Variants in CPM observed in about 807,000 individuals in gnomAD.
CPM encodes the protein renal carboxypeptidase.
A neutral mutation model predicts 46.4 loss-of-function variants in CPM; 35 were observed. The observed-to-expected ratio is 0.75, with a 90% confidence interval of 0.58 to 1.00. The LOEUF (loss-of-function observed/expected upper bound fraction) is 1.00, where lower values mean the gene tolerates loss of function less well. Among genes scored for constraint, CPM ranks in the 50% least tolerant of loss-of-function variants. CPM has a pLI of 0.00. For missense variants in CPM, 422 were observed against 530.4 expected (o/e 0.80, Z 2.01); for synonymous variants, 195 against 195.3 (o/e 1.00, Z 0.01).
intron 3 of CPM, among the ~76,000 whole-genome samples, chr12:68,884,760 A>G (rs1162534482): frequency 3.9e-5 from 6 of 152,148 alleles, no homozygotes; most frequent in East Asian, 1.9e-4. Context: ...TTCAGTTGTC[A>G]TGGTCTCAAA....
rs186267406 is a variant in CPM at position 68,892,109 on chromosome 12, G to A, written c.161-6220C>T. On this transcript the variant is annotated intron_variant, in intron 2 of 8. Coordinates refer to ENST00000551568, the MANE Select transcript of CPM (RefSeq NM_198320.5). ...AAAGCTTAAGAACCACTGTAACAAA[G>A]GACAAGACTGGGTAGTCTATCCGTG... 2.2e-3 allele frequency among the ~76,000 whole-genome samples: 333 copies of A among 152,270 alleles called. 1 individual carries two copies. Among genetic ancestry groups the A allele is most frequent in the African/African-American group, 7.4e-3 (308 of 41,548 alleles).
intron 1 of CPM, among the ~76,000 whole-genome samples, chr12:68,959,470 A>T (rs1489662853): frequency 6.6e-6 from 1 of 152,270 alleles, no homozygotes; most frequent in Non-Finnish European, 1.5e-5. Flanking sequence ...TTAATTCTTC[A>T]AAACTTAAGA....
chr12:68,901,245 G>A (rs1887100097), intron 2 of CPM, among the ~76,000 whole-genome samples: 1 of 152,228 alleles, frequency 6.6e-6, no homozygotes. Flanking sequence ...AGCTGGTGAG[G>A]AGGGAAAGGT....
upstream of CPM, among the ~76,000 whole-genome samples, chr12:68,937,742 G>A (rs942686087): frequency 6.6e-6 from 1 of 152,004 alleles, no homozygotes; most frequent in African/African-American, 2.4e-5. Context: ...GCAAATCCAC[G>A]AGTTGCAATG....
intron 3 of CPM, among the ~76,000 whole-genome samples, chr12:68,881,965 A>G (rs1372823944): frequency 1.4e-5 from 2 of 139,496 alleles, no homozygotes; most frequent in Non-Finnish European, 3.0e-5. Flanking sequence ...CAGGTGATCC[A>G]CCCACCTCAG....
At chr12:68,928,669 G>A (rs1888371100) in intron 2 of CPM, among the ~76,000 whole-genome samples, 1 of 152,056 alleles carries the variant, frequency 6.6e-6, no homozygotes, top group Non-Finnish European at 1.5e-5. Flanking sequence ...CACTAGTAAG[G>A]AAGGTGTTAT....
In CPM at chr12:68,893,149, C is replaced by CAAAA. The variant is rs3046971; in HGVS notation, c.161-7264_161-7261dup. Among the ~76,000 whole-genome samples, 158 of 139,352 alleles carry CAAAA rather than the reference C, an allele frequency of 1.1e-3. 1 individual carries two copies. The highest frequency in any genetic ancestry group is 3.7e-3 in the African/African-American group (138 of 37,132). The allele number at this position is 139,352 out of a possible 152,430, so 91.4% of individuals were successfully genotyped here. ...TAAATTAAAAAAAAACAAAAACTGA[C>CAAAA]AAAAAAAAAAAAAGACAGTAGGGTG... is the stretch of plus-strand genomic sequence containing the variant. On this transcript the variant is annotated intron_variant, in intron 2 of 8. Transcript: ENST00000551568.
At chr12:68,949,644 G>A (rs1888904444) in intron 1 of CPM, among the ~76,000 whole-genome samples, 2 of 152,176 alleles carry the variant, frequency 1.3e-5, no homozygotes, top group South Asian at 4.1e-4. Context: ...CTGGCATTCA[G>A]TAAATGTTGC....
At chr12:68,943,686 A>T (rs1888798831) in intron 1 of CPM, among the ~76,000 whole-genome samples, 1 of 152,214 alleles carries the variant, frequency 6.6e-6, no homozygotes, top group Admixed American at 6.5e-5. Flanking sequence ...GGCTCTAATA[A>T]GGCCGATTTC....
At chr12:68,872,789 A>G (rs1250124537) in intron 3 of CPM, among the ~76,000 whole-genome samples, 3 of 151,898 alleles carry the variant, frequency 2.0e-5, no homozygotes, top group Non-Finnish European at 4.4e-5. Flanking sequence ...GCTGGCTTCC[A>G]ACTCCTGAGA....
intron 2 of CPM, among the ~76,000 whole-genome samples, chr12:68,921,346 T>C (rs1200531479): frequency 6.6e-6 from 1 of 152,052 alleles, no homozygotes; most frequent in Non-Finnish European, 1.5e-5. Context: ...TTCACCATGT[T>C]GGCCAGGCTG....
At chr12:68,889,830 C>T (rs1185697023) in intron 2 of CPM, among the ~76,000 whole-genome samples, 1 of 152,136 alleles carries the variant, frequency 6.6e-6, no homozygotes, top group African/African-American at 2.4e-5. Context: ...CGTGTGTCAG[C>T]AAGATAGCAG....
chr12:68,913,740 T>G (rs1454621037), intron 2 of CPM: 9 of 433,902 alleles, frequency 2.1e-5, no homozygotes, highest in African/African-American at 6.0e-5. Context: ...GGCTACTCAC[T>G]GCTGGTAGTG....
chr12:68,936,510 A>G (rs1246509239), upstream of CPM, among the ~76,000 whole-genome samples: 1 of 152,008 alleles, frequency 6.6e-6, no homozygotes, highest in East Asian at 1.9e-4. Context: ...CAGCCTCCTG[A>G]GTAGCTGGGA....
chr12:68,880,691 A>C (rs758878964), intron 3 of CPM, among the ~76,000 whole-genome samples: 16 of 152,238 alleles, frequency 1.1e-4, no homozygotes, highest in Non-Finnish European at 1.6e-4. Context: ...GACCAAGCAT[A>C]AACCTGGGCC....
intron 3 of CPM, among the ~76,000 whole-genome samples, 161 bp downstream of exon 3, chr12:68,885,631 C>T (rs551264914): frequency 1.3e-5 from 2 of 152,292 alleles, no homozygotes; most frequent in East Asian, 1.9e-4. Flanking sequence ...ATTCCTTAAC[C>T]TCCCACAGGC....
chr12:68,915,911 CA>C (rs1415904736), intron 2 of CPM, among the ~76,000 whole-genome samples: 1 of 152,154 alleles, frequency 6.6e-6, no homozygotes, highest in Non-Finnish European at 1.5e-5. Flanking sequence ...GAACTTATCG[CA>C]GTTTTTAAAT....
intron 5 of CPM, chr12:68,844,652 A>C: frequency 4.4e-6 from 1 of 225,440 alleles, no homozygotes; most frequent in Non-Finnish European, 8.8e-6. Flanking sequence ...TACATCAGAA[A>C]AAAACAAAAA....
intron 1 of CPM, among the ~76,000 whole-genome samples, chr12:68,955,507 G>C (rs976176624): frequency 3.3e-4 from 50 of 151,882 alleles, no homozygotes; most frequent in Non-Finnish European, 7.1e-4. Context: ...GTGGGGGTGG[G>C]GGGGGCATGT....
Sources: gnomAD v4.1 joint callset for allele counts (sites outside exome capture counted in the v4.1 genomes callset) on GRCh38, gnomAD v4.1.1 for gene constraint, MANE v1.5 for transcripts, NCBI Gene and HGNC (gene_info 2026-07-23, HGNC 2026-07-21) for gene names.